Variants in RABGAP1L observed in about 807,000 individuals in gnomAD.
RABGAP1L encodes the protein RAB GTPase activating protein 1 like, also known as rab GTPase-activating protein 1-like.
In RABGAP1L, 63 loss-of-function variants were observed where a neutral mutation model predicts 137.7. The ratio of observed to expected loss-of-function variants is 0.46; its 90% confidence interval spans 0.37 to 0.56. The LOEUF is 0.56. Ranked by LOEUF, RABGAP1L falls within the 20% of genes least tolerant of loss-of-function variation. The pLI is 0.00. For missense variants in RABGAP1L, 1,095 were observed against 1,244.0 expected (o/e 0.88, Z 1.80); for synonymous variants, 431 against 433.7 (o/e 0.99, Z 0.08).
At chr1:174,596,238 C>G (rs1669901336) in intron 13 of RABGAP1L, among the ~76,000 whole-genome samples, 1 of 147,824 alleles carries the variant, frequency 6.8e-6, no homozygotes, top group Admixed American at 6.7e-5. Context: ...ACACACTGGC[C>G]TGCGCCCACT....
chr1:174,778,566 C>T (rs985212879), intron 18 of RABGAP1L, among the ~76,000 whole-genome samples: 2 of 152,066 alleles, frequency 1.3e-5, no homozygotes, highest in Non-Finnish European at 2.9e-5. Context: ...TTCTCTTCCT[C>T]TGTAGCTTTC....
chr1:174,648,876 G>C (rs942094887), intron 14 of RABGAP1L, among the ~76,000 whole-genome samples: 2 of 152,060 alleles, frequency 1.3e-5, no homozygotes, highest in African/African-American at 4.8e-5. Flanking sequence ...TTATGAATCT[G>C]GGTGCTCCTA....
chr1:174,601,758 A>C (rs1359574120), intron 13 of RABGAP1L, among the ~76,000 whole-genome samples: 2 of 152,160 alleles, frequency 1.3e-5, no homozygotes, highest in Admixed American at 1.3e-4. Context: ...AATGCTTTTA[A>C]AAGCACCCAA....
At chr1:174,859,482 C>CAAAAAAAAAAAAAAGAAAA (rs35464065) in intron 19 of RABGAP1L, among the ~76,000 whole-genome samples, 1 of 133,670 alleles carries the variant, frequency 7.5e-6, no homozygotes, top group Non-Finnish European at 1.6e-5. Context: ...GACTCCATCT[C>CAAAAAAAAAAAAAAGAAAA]AAAAAAAAAG....
chr1:174,202,857 G>T (rs1438861257), intron 1 of RABGAP1L, among the ~76,000 whole-genome samples: 2 of 152,148 alleles, frequency 1.3e-5, no homozygotes, highest in South Asian at 2.1e-4. Flanking sequence ...TCCAGTTTCA[G>T]CTTTCTACAT....
intron 13 of RABGAP1L, among the ~76,000 whole-genome samples, chr1:174,462,657 T>C (rs905094368): frequency 3.3e-5 from 5 of 152,124 alleles, no homozygotes; most frequent in Non-Finnish European, 4.4e-5. Flanking sequence ...TAGTACCCAA[T>C]AGGTAGTTTT....
rs1362614290 is a variant in RABGAP1L, at chr1:174,733,219, T to C, written c.2170-19094T>C. On this transcript the variant is annotated intron_variant, in intron 17 of 25. Coordinates refer to ENST00000681986, the MANE Select transcript of RABGAP1L (RefSeq NM_001366446.1). Reference sequence around the variant, plus strand: ...GAAATAAAATTTCTTTTATTTTACCTAGATATCTCTAGATCCGATAACAGC... The same window carrying C: ...GAAATAAAATTTCTTTTATTTTACCCAGATATCTCTAGATCCGATAACAGC... Among the ~76,000 whole-genome samples the C allele has an allele frequency of 2.6e-5, 4 of 152,188 alleles. No homozygotes were observed. In the East Asian group the frequency reaches 5.8e-4, roughly 22 times the overall value.
At chr1:174,952,920 T>C (rs1667936276) in intron 19 of RABGAP1L, among the ~76,000 whole-genome samples, 1 of 151,586 alleles carries the variant, frequency 6.6e-6, no homozygotes, top group African/African-American at 2.4e-5. Flanking sequence ...TAACTCACTT[T>C]GGGAGGCTGA....
intron 13 of RABGAP1L, among the ~76,000 whole-genome samples, chr1:174,554,112 A>G (rs185719736): frequency 1.5e-3 from 231 of 152,282 alleles, no homozygotes; most frequent in African/African-American, 5.3e-3. Context: ...TACTCCTCCT[A>G]TAGTCTGAAA....
chr1:174,239,565 A>AT (rs765634916), intron 4 of RABGAP1L, among the ~76,000 whole-genome samples: 132 of 150,138 alleles, frequency 8.8e-4, no homozygotes, highest in East Asian at 2.7e-3. Context: ...ATACTGGGCC[A>AT]TTTTTTTTTC....
intron 7 of RABGAP1L, among the ~76,000 whole-genome samples, chr1:174,267,194 G>A (rs990297617): frequency 6.6e-6 from 1 of 152,180 alleles, no homozygotes; most frequent in African/African-American, 2.4e-5. Flanking sequence ...AAGGAGACTG[G>A]AGATTATGCA....
At chr1:174,565,028 C>A (rs1172345397) in intron 13 of RABGAP1L, among the ~76,000 whole-genome samples, 1 of 152,072 alleles carries the variant, frequency 6.6e-6, no homozygotes, top group East Asian at 1.9e-4. Flanking sequence ...TTTAATAATT[C>A]TTTTTAAAAG....
intron 16 of RABGAP1L, 32 bp from the exon 17 acceptor site, chr1:174,702,081 A>C: frequency 1.3e-6 from 2 of 1,595,592 alleles, no homozygotes; most frequent in Non-Finnish European, 1.7e-6. Context: ...CAAGCTTCTC[A>C]TTGCTCCTAA....
chr1:174,808,020 C>G (rs966571473), intron 18 of RABGAP1L, among the ~76,000 whole-genome samples: 7 of 150,466 alleles, frequency 4.7e-5, no homozygotes, highest in African/African-American at 1.7e-4. Context: ...ACTGTATTGC[C>G]CAGGCTGGAG....
chr1:174,753,252 A>G (rs892834445), intron 18 of RABGAP1L, among the ~76,000 whole-genome samples: 21 of 152,322 alleles, frequency 1.4e-4, no homozygotes, highest in African/African-American at 4.8e-4. Context: ...GTTAGCTGTC[A>G]TTATTATTGT....
chr1:174,916,663 C>T (rs1329845417), intron 19 of RABGAP1L, among the ~76,000 whole-genome samples: 1 of 152,120 alleles, frequency 6.6e-6, no homozygotes, highest in Admixed American at 6.5e-5. Context: ...GTGGTGGCTG[C>T]GTTGAAGTCA....
At chr1:174,347,539 C>G (rs1487826173) in intron 11 of RABGAP1L, among the ~76,000 whole-genome samples, 1 of 150,858 alleles carries the variant, frequency 6.6e-6, no homozygotes, top group Admixed American at 6.6e-5. Context: ...GTCACCCAGA[C>G]TGGAGTGCAG....
chr1:174,618,688 G>A (rs1672144358), intron 13 of RABGAP1L, among the ~76,000 whole-genome samples: 1 of 152,118 alleles, frequency 6.6e-6, no homozygotes, highest in Non-Finnish European at 1.5e-5. Flanking sequence ...CACAAAGATG[G>A]GGAAAAAACA....
At chr1:174,398,864 A>G (rs1387642873) in intron 13 of RABGAP1L, among the ~76,000 whole-genome samples, 3 of 152,194 alleles carry the variant, frequency 2.0e-5, no homozygotes, top group Non-Finnish European at 4.4e-5. Flanking sequence ...TATGGAATGA[A>G]TTATTCTAAA....
Sources: allele counts gnomAD v4.1 joint callset (sites outside exome capture counted in the v4.1 genomes callset), GRCh38; gene constraint gnomAD v4.1.1; transcripts MANE v1.5; gene names NCBI Gene and HGNC (gene_info 2026-07-23, HGNC 2026-07-21).